The following SIN3B variants were observed in gnomAD, a reference collection of about 807,000 sequenced individuals.
SIN3B encodes SIN3 transcription regulator family member B, also known as paired amphipathic helix protein Sin3b.
SIN3B carries 19 observed loss-of-function variants against 120.2 expected under a neutral mutation model. That is an observed-to-expected ratio of 0.16 (90% CI 0.11 to 0.23). SIN3B has a LOEUF of 0.23. SIN3B is among the 10% of genes least tolerant of loss of function. The probability of loss-of-function intolerance (pLI) is 1.00; values close to 1 mark genes in which losing one functional copy is unlikely to be tolerated. For synonymous variants in SIN3B, 654 were observed against 653.2 expected, an observed-to-expected ratio of 1.00 and a Z score of -0.02; for missense variants, 1,073 against 1,573.0, an observed-to-expected ratio of 0.68 and a Z score of 5.38.
intron 8 of SIN3B, among the ~76,000 whole-genome samples, chr19:16,858,863 T>C (rs963948367): frequency 6.6e-6 from 1 of 152,154 alleles, no homozygotes; most frequent in Non-Finnish European, 1.5e-5. Flanking sequence ...GACAGGAGAA[T>C]TGATTGAACC....
At chr19:16,840,108 G>T (rs1406017584) in intron 3 of SIN3B, among the ~76,000 whole-genome samples, 1 of 152,122 alleles carries the variant, frequency 6.6e-6, no homozygotes, top group Non-Finnish European at 1.5e-5. Context: ...TTCTAGAATT[G>T]TCTCTGTACC....
chr19:16,851,841 G>A (rs1336312325), intron 6 of SIN3B, among the ~76,000 whole-genome samples: 1 of 152,220 alleles, frequency 6.6e-6, no homozygotes, highest in Non-Finnish European at 1.5e-5. Context: ...CTCTCTCACA[G>A]GCAAGGCCGC....
intron 8 of SIN3B, among the ~76,000 whole-genome samples, chr19:16,861,825 C>T (rs1192519364): frequency 6.6e-6 from 1 of 151,804 alleles, no homozygotes; most frequent in Non-Finnish European, 1.5e-5. Flanking sequence ...GTCCCAGCTA[C>T]TGAGGAGGCT....
intron 9 of SIN3B, 124 bp from the exon 10 acceptor site, chr19:16,863,556 A>G (rs1971718405): frequency 2.8e-6 from 2 of 715,306 alleles, no homozygotes; most frequent in East Asian, 2.5e-5. Context: ...TCCCATTTGT[A>G]TAAGGCAGTT....
At chr19:16,873,621 A>G (rs879281288) in intron 14 of SIN3B, among the ~76,000 whole-genome samples, 2 of 151,658 alleles carry the variant, frequency 1.3e-5, no homozygotes, top group Admixed American at 1.3e-4. Flanking sequence ...GTTTATGGAA[A>G]GCATTGATTA....
rs61754499 is a variant in SIN3B at position 16,851,481 on chromosome 19, A to G, written c.796A>G (p.Ser266Gly). ...KNEHDKTPEHSRKRSRPSLLR... is the reference protein window; with the variant it reads ...KNEHDKTPEHGRKRSRPSLLR... Reference sequence around the variant, plus strand: ...CGAGCACGACAAGACCCCGGAGCACAGCAGGAAGCGCTCCCGGCCCTCGCT... The same window carrying G: ...CGAGCACGACAAGACCCCGGAGCACGGCAGGAAGCGCTCCCGGCCCTCGCT... Residue 266 changes from serine (S) to glycine (G), a missense_variant, in exon 6 of 19, where the codon AGC (serine) becomes GGC (glycine). This residue lies in a region of SIN3B where 395 missense variants were observed against 528.0 expected (regional missense o/e 0.75). Transcript: ENST00000248054. The G allele has an allele frequency of 4.9e-3, 7,824 of 1,610,004 alleles. 32 individuals carry two copies. The highest frequency in any genetic ancestry group is 5.7e-3 in the Non-Finnish European group (6,669 of 1,178,388).
chr19:16,859,792 C>CT (rs1971662243), intron 8 of SIN3B, among the ~76,000 whole-genome samples: 1 of 152,184 alleles, frequency 6.6e-6, no homozygotes. Flanking sequence ...ATCCAGCACT[C>CT]TCTGAGCCTG....
intron 11 of SIN3B, 108 bp downstream of exon 11, chr19:16,865,756 T>C: frequency 1.3e-6 from 1 of 756,432 alleles, no homozygotes; most frequent in Middle Eastern, 3.8e-4. Context: ...TCATTAGTGC[T>C]GTTTGTCAAC....
At chr19:16,861,285 G>A (rs1483481129) in intron 8 of SIN3B, among the ~76,000 whole-genome samples, 2 of 152,174 alleles carry the variant, frequency 1.3e-5, no homozygotes, top group Non-Finnish European at 2.9e-5. Context: ...GGCAGCCACA[G>A]GCAGTGCGTA....
At chr19:16,843,127 T>G (rs1388430411) in intron 4 of SIN3B, among the ~76,000 whole-genome samples, 1 of 152,158 alleles carries the variant, frequency 6.6e-6, no homozygotes, top group Non-Finnish European at 1.5e-5. Context: ...AAACAGAATC[T>G]TGCGCTGTCA....
intron 2 of SIN3B, 53 bp downstream of exon 2, chr19:16,829,950 G>T (rs1971258568): frequency 4.5e-6 from 6 of 1,321,396 alleles, no homozygotes; most frequent in African/African-American, 1.4e-5. Flanking sequence ...CCGGAATCGG[G>T]CCTAGCGGGG....
At position 16,876,926 on chromosome 19, in the gene SIN3B, C is replaced by T. The variant is rs1022100560; in HGVS notation, c.2859+348C>T. 1.2e-5 allele frequency: 3 copies of T among 241,166 alleles called. No homozygotes were observed. The highest frequency in any genetic ancestry group is 2.4e-5 in the Non-Finnish European group (3 of 124,254). 14.9% of individuals were successfully genotyped at this position (241,166 alleles called of 1,614,324 possible). On this transcript the variant is annotated intron_variant, in intron 16 of 18. Coordinates refer to ENST00000248054, the MANE Select transcript of SIN3B (RefSeq NM_001297595.2). This position sits in a 1 kb window ranked among gnomAD's most constrained non-coding sequence, Gnocchi z 7.1. ...CTTGTGTCAGGGCTGCATCCTGTTC[C>T]TAATCCCCAGCAGAGGAGCCACCTG...
At chr19:16,864,242 C>T (rs555858572) in intron 10 of SIN3B, among the ~76,000 whole-genome samples, 2 of 151,862 alleles carry the variant, frequency 1.3e-5, no homozygotes, top group South Asian at 4.2e-4. Flanking sequence ...TGCAGTGAGC[C>T]GAGATCACAC....
At chr19:16,847,716 T>C (rs1357607127) in intron 5 of SIN3B, among the ~76,000 whole-genome samples, 3 of 152,172 alleles carry the variant, frequency 2.0e-5, no homozygotes, top group Non-Finnish European at 4.4e-5. Flanking sequence ...TCCTCTTTTT[T>C]CCCCCACTAT....
chr19:16,859,612 G>T lies in SIN3B; in HGVS notation c.1059-2740G>T, dbSNP rs7247372. Among the ~76,000 whole-genome samples the T allele has an allele frequency of 1.5e-3, 222 of 152,294 alleles. 1 individual carries two copies. Among genetic ancestry groups the T allele is most frequent in the African/African-American group, 5.1e-3 (213 of 41,558 alleles). On this transcript the variant is annotated intron_variant, in intron 8 of 18. Transcript: ENST00000248054. Reference sequence around the variant, plus strand: ...GGTTTTCTTTCTTGGGCTGCTGAAGGTCTGTAAACGCCCTGAAGAACAGCC... The same window carrying T: ...GGTTTTCTTTCTTGGGCTGCTGAAGTTCTGTAAACGCCCTGAAGAACAGCC...
chr19:16,845,901 A>T (rs370286884), intron 4 of SIN3B, among the ~76,000 whole-genome samples: 2 of 152,098 alleles, frequency 1.3e-5, no homozygotes, highest in Non-Finnish European at 2.9e-5. Flanking sequence ...TTTAAAACAA[A>T]TTTTTTTAAT....
chr19:16,841,600 C>T (rs143494680), intron 3 of SIN3B, among the ~76,000 whole-genome samples, 168 bp from the exon 4 acceptor site: 40 of 152,188 alleles, frequency 2.6e-4, no homozygotes, highest in Admixed American at 1.0e-3. Context: ...CTGTGCACCC[C>T]GCCCTGCTTG....
chr19:16,856,635 G>A (rs937397071), intron 8 of SIN3B, among the ~76,000 whole-genome samples: 1 of 151,724 alleles, frequency 6.6e-6, no homozygotes, highest in Non-Finnish European at 1.5e-5. Context: ...GCAGTGGCGC[G>A]ATCTTGGCTC....
intron 8 of SIN3B, among the ~76,000 whole-genome samples, chr19:16,860,067 G>A (rs1014796918): frequency 1.3e-5 from 2 of 152,234 alleles, no homozygotes; most frequent in Non-Finnish European, 2.9e-5. Context: ...ACAGTCAGCT[G>A]TTCTTGTTTC....
Sources: allele counts gnomAD v4.1 joint callset (sites outside exome capture counted in the v4.1 genomes callset), GRCh38; gene constraint gnomAD v4.1.1; regional missense constraint gnomAD v4.1.1; non-coding constraint Gnocchi (gnomAD v3.1); transcripts MANE v1.5; gene names NCBI Gene and HGNC (gene_info 2026-07-23, HGNC 2026-07-21).